ADNP2: variants seen among roughly 807,000 people sequenced by gnomAD.
ADNP2 encodes ADNP homeobox 2.
Under a neutral mutation model 16.4 loss-of-function variants are expected in ADNP2, and 8 were observed. That is an observed-to-expected ratio of 0.49 (90% CI 0.29 to 0.88). ADNP2 has a LOEUF of 0.88. Among genes scored for constraint, ADNP2 ranks in the 40% least tolerant of loss-of-function variants. The pLI is 0.09. For missense variants in ADNP2, 1,397 were observed against 1,395.1 expected, an observed-to-expected ratio of 1.00 and a Z score of -0.02; for synonymous variants, 637 against 545.8, an observed-to-expected ratio of 1.17 and a Z score of -2.33.
intron 2 of ADNP2, among the ~76,000 whole-genome samples, chr18:80,132,405 A>T (rs1282454811): frequency 6.6e-6 from 1 of 152,208 alleles, no homozygotes; most frequent in African/African-American, 2.4e-5. Flanking sequence ...CATAGGTTAC[A>T]TGCAAGTAAC....
At chr18:80,123,232 T>A (rs1170114445) in intron 2 of ADNP2, among the ~76,000 whole-genome samples, 1 of 152,238 alleles carries the variant, frequency 6.6e-6, no homozygotes, top group African/African-American at 2.4e-5. Flanking sequence ...TGCTAGTATG[T>A]TGTTAAGGAT....
chr18:80,136,435 G>A lies in ADNP2; in HGVS notation c.1022G>A (p.Gly341Asp). The A allele has an allele frequency of 6.2e-7, 1 of 1,614,132 alleles. No homozygotes were observed. Among genetic ancestry groups the A allele is most frequent in the Non-Finnish European group, 8.5e-7 (1 of 1,180,002 alleles). ...MTLVSSPLPVGQNSLTLQPPA... is the reference protein window; with the variant it reads ...MTLVSSPLPVDQNSLTLQPPA... Reference sequence around the variant, plus strand: ...CTGGTCTCCAGCCCTCTGCCTGTGGGCCAGAACAGCCTCACCCTGCAGCCC... The same window carrying A: ...CTGGTCTCCAGCCCTCTGCCTGTGGACCAGAACAGCCTCACCCTGCAGCCC... The change falls in exon 4 of 4, where the codon GGC (glycine) becomes GAC (aspartate). Residue 341 changes from glycine (G) to aspartate (D), a missense_variant. Physicochemically the swap from Gly to Asp is moderately conservative, Grantham distance 94 (BLOSUM62 -1). Coordinates refer to ENST00000262198, the MANE Select transcript of ADNP2 (RefSeq NM_014913.4).
At chr18:80,134,663 A>G (rs1182239407) in intron 3 of ADNP2, among the ~76,000 whole-genome samples, 1 of 152,164 alleles carries the variant, frequency 6.6e-6, no homozygotes, top group Non-Finnish European at 1.5e-5. Context: ...ACTAGATGTT[A>G]GAACAGATTG....
chr18:80,123,854 C>G (rs1053496537), intron 2 of ADNP2, among the ~76,000 whole-genome samples: 1 of 152,020 alleles, frequency 6.6e-6, no homozygotes, highest in Non-Finnish European at 1.5e-5. Context: ...CTCAGCCTCC[C>G]GAGTAGCTGG....
Position 80,137,257 on chromosome 18 carries a change from A to G in ADNP2, c.1844A>G (p.Tyr615Cys). 1 of 1,614,134 alleles carries G rather than the reference A, an allele frequency of 6.2e-7. No homozygotes were observed. Among genetic ancestry groups the G allele is most frequent in the South Asian group, 1.1e-5 (1 of 91,082 alleles). The change falls in exon 4 of 4, where the codon TAC becomes TGC. Residue 615 changes from tyrosine to cysteine, a missense_variant. Physicochemically the swap from Tyr to Cys is radical, Grantham distance 194. Transcript: ENST00000262198. The surrounding 1 kb of genome is among the most constrained non-coding windows in gnomAD (Gnocchi z 4.2). ...TGKQVNGIPT[Y>C]TLAPVSVTLP... Reference sequence around the variant, plus strand: ...AAACAAGTGAATGGGATTCCAACCTACACGCTGGCCCCCGTGTCTGTCACT... The same window carrying G: ...AAACAAGTGAATGGGATTCCAACCTGCACGCTGGCCCCCGTGTCTGTCACT...
At chr18:80,119,842 A>G (rs541257273) in intron 2 of ADNP2, among the ~76,000 whole-genome samples, 1 of 152,252 alleles carries the variant, frequency 6.6e-6, no homozygotes, top group Admixed American at 6.5e-5. Flanking sequence ...TGGTGCTGCC[A>G]GTGCAGGACA....
chr18:80,119,111 A>G (rs2052407871), intron 2 of ADNP2, among the ~76,000 whole-genome samples: 1 of 152,084 alleles, frequency 6.6e-6, no homozygotes, highest in African/African-American at 2.4e-5. Context: ...TTTTTTCTTA[A>G]AAGGATATAA....
intron 2 of ADNP2, among the ~76,000 whole-genome samples, chr18:80,125,622 G>A (rs376476487): frequency 6.6e-6 from 1 of 151,724 alleles, no homozygotes; most frequent in South Asian, 2.1e-4. Context: ...CAGCCTGGGC[G>A]ACAGAGTGAG....
chr18:80,133,875 G>GGGCT (rs2145211515), intron 3 of ADNP2: 1 of 152,132 alleles, frequency 6.6e-6, no homozygotes, highest in African/African-American at 2.4e-5. Flanking sequence ...ACTGTTGCCT[G>GGGCT]GGCTGGAGTC....
At chr18:80,127,788 T>C (rs2052470219) in intron 2 of ADNP2, among the ~76,000 whole-genome samples, 1 of 152,232 alleles carries the variant, frequency 6.6e-6, no homozygotes, top group African/African-American at 2.4e-5. Flanking sequence ...GAGACAGACC[T>C]TGCTGTGAAG....
intron 2 of ADNP2, among the ~76,000 whole-genome samples, chr18:80,120,713 C>CTG (rs2052418910): frequency 6.6e-6 from 1 of 151,934 alleles, no homozygotes; most frequent in Admixed American, 6.6e-5. Flanking sequence ...GAGTGCAGTG[C>CTG]TGCGATCTCT....
Position 80,136,982 on chromosome 18 carries a change from C to A in ADNP2, c.1569C>A (p.Asn523Lys), listed in dbSNP as rs138162057. Residue 523 changes from asparagine (N) to lysine (K), a missense_variant, in exon 4 of 4, where the codon AAC (asparagine) becomes AAA (lysine). By Grantham distance (94) the Asn-to-Lys change is moderately conservative. Transcript: ENST00000262198. ...TCCCGTCTGGGCTTCTTTCTCCCAA[C>A]CAGACAGTCTCCTCCTCAGCTGTTG... Reference protein sequence around the residue: ...QVVPSGLLSPNQTVSSSAVVP... With the variant: ...QVVPSGLLSPKQTVSSSAVVP... 6,937 of 1,614,136 alleles carry A rather than the reference C, an allele frequency of 4.3e-3. 15 individuals are homozygous for A. The highest frequency in any genetic ancestry group is 5.2e-3 in the Non-Finnish European group (6,142 of 1,180,018).
chr18:80,119,626 T>C (rs1197661893), intron 2 of ADNP2, among the ~76,000 whole-genome samples: 1 of 152,200 alleles, frequency 6.6e-6, no homozygotes. Context: ...GAGGCTGTTC[T>C]TGTCAGTAGC....
Position 80,135,647 on chromosome 18 carries a change from T to C in ADNP2, c.234T>C (p.Cys78=), listed in dbSNP as rs769850215. ...YRTKPYCCGL[C]KYSTKVLTSF... is the part of the protein sequence containing the mutation. ...CAAAGCCATACTGTTGTGGCCTCTG[T>C]AAATACTCTACAAAGGTGCTTACTT... Residue 78 remains cysteine (C), a synonymous_variant, in exon 4 of 4, where the codon TGT becomes TGC. Coordinates refer to ENST00000262198, the MANE Select transcript of ADNP2 (RefSeq NM_014913.4). 3.1e-6 allele frequency: 5 copies of C among 1,614,130 alleles called. No homozygotes were observed. The East Asian group carries it at 8.9e-5, about 29-fold the overall frequency.
intron 1 of ADNP2, among the ~76,000 whole-genome samples, chr18:80,111,693 A>G (rs1213883848): frequency 6.6e-6 from 1 of 151,028 alleles, no homozygotes; most frequent in Non-Finnish European, 1.5e-5. Flanking sequence ...CAGCGTCCCG[A>G]GTAGGACCCA....
intron 2 of ADNP2, among the ~76,000 whole-genome samples, chr18:80,128,245 T>C (rs1216486378): frequency 1.3e-5 from 2 of 152,276 alleles, no homozygotes; most frequent in Non-Finnish European, 2.9e-5. Context: ...TGCTTATTTC[T>C]GTTTGTTTCA....
Position 80,138,033 on chromosome 18 carries a change from G to A in ADNP2, c.2620G>A (p.Val874Met). ...EGTPGSTGKR[V>M]STCPFCFGPF... ...CACCCCCGGGAGCACCGGCAAGCGAGTGTCCACCTGCCCCTTTTGCTTTGG... is the reference window on the plus strand; with the variant it reads ...CACCCCCGGGAGCACCGGCAAGCGAATGTCCACCTGCCCCTTTTGCTTTGG... The change falls in exon 4 of 4, where the codon GTG becomes ATG. Residue 874 changes from valine (V) to methionine (M), a missense_variant. Coordinates refer to ENST00000262198, the MANE Select transcript of ADNP2 (RefSeq NM_014913.4). The A allele has an allele frequency of 6.2e-7, 1 of 1,613,752 alleles. No homozygotes were observed. Among genetic ancestry groups the A allele is most frequent in the Non-Finnish European group, 8.5e-7 (1 of 1,180,026 alleles).
chr18:80,128,453 C>G (rs1599815264), intron 2 of ADNP2, among the ~76,000 whole-genome samples: 1 of 152,150 alleles, frequency 6.6e-6, no homozygotes. Flanking sequence ...AGATTGAGAC[C>G]AGCCTGGCCA....
chr18:80,137,437 A>T lies in ADNP2; in HGVS notation c.2024A>T (p.Gln675Leu). ...LVNAAQSVFVQASSSAADTNQ... is the reference protein window; with the variant it reads ...LVNAAQSVFVLASSSAADTNQ... Reference sequence around the variant, plus strand: ...AATGCTGCTCAGAGCGTGTTTGTTCAGGCCTCCTCCTCTGCAGCAGACACA... The same window carrying T: ...AATGCTGCTCAGAGCGTGTTTGTTCTGGCCTCCTCCTCTGCAGCAGACACA... The change falls in exon 4 of 4, where the codon CAG (glutamine) becomes CTG (leucine). Residue 675 changes from glutamine (Q) to leucine (L), a missense_variant. Around this residue, in one of 3 missense-constraint regions of ADNP2, gnomAD observed 611 missense variants for 648.7 expected, o/e 0.94. Coordinates refer to ENST00000262198, the MANE Select transcript of ADNP2 (RefSeq NM_014913.4). This position sits in a 1 kb window ranked among gnomAD's most constrained non-coding sequence, Gnocchi z 4.2. The T allele has an allele frequency of 6.2e-7, 1 of 1,614,204 alleles. No homozygotes were observed. Among genetic ancestry groups the T allele is most frequent in the Non-Finnish European group, 8.5e-7 (1 of 1,180,046 alleles).
Sources: allele counts gnomAD v4.1 joint callset (sites outside exome capture counted in the v4.1 genomes callset), GRCh38; gene constraint gnomAD v4.1.1; regional missense constraint gnomAD v4.1.1; non-coding constraint Gnocchi (gnomAD v3.1); transcripts MANE v1.5; gene names NCBI Gene and HGNC (gene_info 2026-07-23, HGNC 2026-07-21).